The following RANBP17 variants were observed in gnomAD, a reference collection of about 807,000 sequenced individuals.
RANBP17 encodes RAN binding protein 17, also known as ran-binding protein 17.
RANBP17 carries 158 observed loss-of-function variants against 141.2 expected under a neutral mutation model. The observed-to-expected ratio is 1.12, with a 90% CI of 0.98 to 1.28. The LOEUF is 1.28. RANBP17 is among the 50% of genes most tolerant of loss of function. The pLI is 0.00. For missense variants in RANBP17, 1,438 were observed against 1,290.7 expected, an observed-to-expected ratio of 1.11 and a Z score of -1.75; for synonymous variants, 430 against 450.0, an observed-to-expected ratio of 0.96 and a Z score of 0.56.
intron 18 of RANBP17, among the ~76,000 whole-genome samples, chr5:171,183,652 C>T (rs1206848170): frequency 6.6e-6 from 1 of 152,198 alleles, no homozygotes; most frequent in East Asian, 1.9e-4. Flanking sequence ...ATAACACTTG[C>T]ACTGATTTTT....
At chr5:171,294,511 G>A (rs994198123) in intron 26 of RANBP17, among the ~76,000 whole-genome samples, 3 of 152,168 alleles carry the variant, frequency 2.0e-5, no homozygotes, top group Non-Finnish European at 2.9e-5. Flanking sequence ...CTAGTAGTAG[G>A]AACAGTGCAT....
chr5:170,870,777 G>T (rs1767657822), intron 1 of RANBP17, among the ~76,000 whole-genome samples: 1 of 152,096 alleles, frequency 6.6e-6, no homozygotes, highest in Admixed American at 6.6e-5. Context: ...CTGGTTCTAG[G>T]TCCTTGAGGA....
intron 24 of RANBP17, chr5:171,251,790 G>A (rs1308705339): frequency 2.6e-6 from 3 of 1,156,814 alleles, no homozygotes; most frequent in Admixed American, 1.7e-5. Context: ...TCTGTGATTG[G>A]GTGGAAGATG....
intron 22 of RANBP17, among the ~76,000 whole-genome samples, chr5:171,235,491 T>C (rs1444112543): frequency 6.6e-6 from 1 of 152,048 alleles, no homozygotes; most frequent in African/African-American, 2.4e-5. Flanking sequence ...TAGTTGGACA[T>C]GTTGAGGGAT....
At chr5:171,250,011 A>G (rs1765455056) in intron 24 of RANBP17, among the ~76,000 whole-genome samples, 1 of 152,244 alleles carries the variant, frequency 6.6e-6, no homozygotes, top group South Asian at 2.1e-4. Flanking sequence ...AAACTGCAAA[A>G]GAAAAGCATC....
At chr5:170,962,760 T>G (rs1276206973) in intron 13 of RANBP17, among the ~76,000 whole-genome samples, 2 of 152,216 alleles carry the variant, frequency 1.3e-5, no homozygotes, top group Non-Finnish European at 2.9e-5. Context: ...CAGCAAGTTC[T>G]CCATAAATCT....
intron 14 of RANBP17, among the ~76,000 whole-genome samples, chr5:171,107,639 C>T (rs560332792): frequency 1.3e-5 from 2 of 152,150 alleles, no homozygotes; most frequent in Non-Finnish European, 2.9e-5. Flanking sequence ...TGACTCTAGT[C>T]TCTTCTTAAC....
At chr5:171,142,575 C>A (rs972421741) in intron 14 of RANBP17, among the ~76,000 whole-genome samples, 3 of 152,190 alleles carry the variant, frequency 2.0e-5, no homozygotes, top group Non-Finnish European at 2.9e-5. Flanking sequence ...CAAGCATGGT[C>A]TTCTCATCTT....
chr5:170,945,406 C>G (rs1423356212), intron 12 of RANBP17, among the ~76,000 whole-genome samples: 2 of 152,100 alleles, frequency 1.3e-5, no homozygotes, highest in African/African-American at 4.8e-5. Context: ...ATAATAGTTA[C>G]ACTAGCCAAC....
rs372821956 is a variant in RANBP17 at position 170,898,327 on chromosome 5, G to A, written c.489+2212G>A. 2.5e-3 allele frequency among the ~76,000 whole-genome samples: 374 copies of A among 152,102 alleles called. 2 individuals are homozygous for A. Among genetic ancestry groups the A allele is most frequent in the South Asian group, 0.013 (61 of 4,814 alleles). ...TACGGTTGTTGGCCACATAAGTGTCGTCTTTTCAGAAGTGTCTGTTCATAT... is the reference window on the plus strand; with the variant it reads ...TACGGTTGTTGGCCACATAAGTGTCATCTTTTCAGAAGTGTCTGTTCATAT... On this transcript the variant is annotated intron_variant, in intron 5 of 27. Coordinates refer to ENST00000523189, the MANE Select transcript of RANBP17 (RefSeq NM_022897.5).
At chr5:170,922,784 C>T (rs1040177637) in intron 11 of RANBP17, among the ~76,000 whole-genome samples, 7 of 152,094 alleles carry the variant, frequency 4.6e-5, no homozygotes, top group Admixed American at 3.3e-4. Flanking sequence ...CTGGGTGAGG[C>T]GACGCCCTGC....
chr5:170,972,985 C>A (rs1777101580), intron 14 of RANBP17, among the ~76,000 whole-genome samples: 1 of 152,068 alleles, frequency 6.6e-6, no homozygotes, highest in Admixed American at 6.5e-5. Context: ...CTTTGCCTAC[C>A]TTTGAAATCA....
At chr5:171,073,225 A>G (rs1213799097) in intron 14 of RANBP17, among the ~76,000 whole-genome samples, 1 of 152,002 alleles carries the variant, frequency 6.6e-6, no homozygotes, top group Admixed American at 6.6e-5. Context: ...TAACTGATGA[A>G]TCTAACTATA....
intron 24 of RANBP17, among the ~76,000 whole-genome samples, chr5:171,263,605 C>T (rs1766478604): frequency 6.6e-6 from 1 of 152,112 alleles, no homozygotes; most frequent in Admixed American, 6.5e-5. Context: ...TATTGGATGC[C>T]CTCAAGTAAG....
At chr5:171,052,915 C>T (rs1318281809) in intron 14 of RANBP17, among the ~76,000 whole-genome samples, 1 of 150,974 alleles carries the variant, frequency 6.6e-6, no homozygotes. Flanking sequence ...TACAATGGCA[C>T]GATCTCAGCT....
intron 14 of RANBP17, among the ~76,000 whole-genome samples, chr5:170,992,623 C>T (rs1173607714): frequency 6.6e-6 from 1 of 152,060 alleles, no homozygotes; most frequent in Non-Finnish European, 1.5e-5. Flanking sequence ...TACTACCTTT[C>T]ACCTGCTTAC....
chr5:171,016,350 C>T (rs1780434043), intron 14 of RANBP17, among the ~76,000 whole-genome samples: 1 of 151,954 alleles, frequency 6.6e-6, no homozygotes, highest in Non-Finnish European at 1.5e-5. Flanking sequence ...CTATAAGTGA[C>T]AAAGCTATTC....
chr5:171,145,355 A>C (rs1309679158), intron 14 of RANBP17, among the ~76,000 whole-genome samples: 1 of 152,174 alleles, frequency 6.6e-6, no homozygotes, highest in Admixed American at 6.5e-5. Flanking sequence ...CTGTGCTTTA[A>C]AATAAAATCT....
intron 14 of RANBP17, among the ~76,000 whole-genome samples, chr5:171,097,086 C>G (rs374856124): frequency 6.6e-6 from 1 of 152,170 alleles, no homozygotes; most frequent in African/African-American, 2.4e-5. Flanking sequence ...AATTTTCCCT[C>G]GATTTTCTAA....
Sources: allele counts gnomAD v4.1 joint callset (sites outside exome capture counted in the v4.1 genomes callset), GRCh38; gene constraint gnomAD v4.1.1; transcripts MANE v1.5; gene names NCBI Gene and HGNC (gene_info 2026-07-23, HGNC 2026-07-21).